PHF21A: variants seen among roughly 807,000 people sequenced by gnomAD.
PHF21A encodes BHC80a.
In PHF21A, 11 loss-of-function variants were observed where a neutral mutation model predicts 82.5. The observed-to-expected ratio is 0.13, with a 90% CI of 0.08 to 0.22. The LOEUF (loss-of-function observed/expected upper bound fraction) is 0.22. Ranked by LOEUF, PHF21A falls within the 10% of genes least tolerant of loss-of-function variation. PHF21A has a pLI of 1.00. For synonymous variants in PHF21A, 297 were observed against 302.8 expected, an observed-to-expected ratio of 0.98 and a Z score of 0.20; for missense variants, 579 against 837.8, an observed-to-expected ratio of 0.69 and a Z score of 3.81.
At chr11:46,106,449 G>A (rs1373304417) in intron 1 of PHF21A, among the ~76,000 whole-genome samples, 3 of 152,070 alleles carry the variant, frequency 2.0e-5, no homozygotes, top group Non-Finnish European at 2.9e-5. Context: ...ATAAGTTAAC[G>A]GCATCTGTTC....
chr11:46,101,890 C>T (rs1266201868), intron 1 of PHF21A, among the ~76,000 whole-genome samples: 4 of 150,080 alleles, frequency 2.7e-5, no homozygotes, highest in African/African-American at 9.8e-5. Flanking sequence ...TACGGAGTCT[C>T]GCTCTGTCGC....
intron 6 of PHF21A, among the ~76,000 whole-genome samples, chr11:46,067,099 T>C (rs1215884725): frequency 2.0e-5 from 3 of 152,234 alleles, no homozygotes; most frequent in Non-Finnish European, 2.9e-5. Context: ...TACTTACTTA[T>C]GTATTACTTA....
rs2088812569 is a variant in PHF21A at position 45,935,739 on chromosome 11, GCT to G, written c.1685-2_1685-1del. The G allele has an allele frequency of 2.2e-6, 1 of 459,564 alleles. No homozygotes were observed. The highest frequency in any genetic ancestry group is 3.1e-6 in the Non-Finnish European group (1 of 320,158). The allele number at this position is 459,564 out of a possible 1,614,324, so 28.5% of individuals were successfully genotyped here. On this transcript the variant is annotated splice_acceptor_variant, in intron 17 of 18. Transcript: ENST00000676320. LOFTEE classifies it high-confidence loss of function. The stretch of plus-strand genomic sequence containing the variant: ...TAACTTCTGTTTCTCTTCTTCTTTT[GCT>G]AAAAAAAAAAAAAAAAAAAAAAAGG...
intron 18 of PHF21A, chr11:45,934,811 C>G (rs1304599275): frequency 2.8e-6 from 1 of 352,048 alleles, no homozygotes; most frequent in Non-Finnish European, 5.6e-6. Context: ...GTCTTTTGCC[C>G]TTTTGCCCTC....
chr11:45,999,556 A>G (rs2095044515), intron 6 of PHF21A, among the ~76,000 whole-genome samples: 1 of 152,228 alleles, frequency 6.6e-6, no homozygotes, highest in Non-Finnish European at 1.5e-5. Context: ...ATGCAAGCTT[A>G]TTTTGAGAAG....
chr11:45,993,894 T>C (rs533464663), intron 6 of PHF21A, among the ~76,000 whole-genome samples: 1 of 152,064 alleles, frequency 6.6e-6, no homozygotes, highest in African/African-American at 2.4e-5. Flanking sequence ...CTATCTGAGA[T>C]GAATTTCCTA....
Position 46,107,738 on chromosome 11 carries a change from T to TA in PHF21A, c.-237+13196dup, listed in dbSNP as rs566539044. Among the ~76,000 whole-genome samples the TA allele has an allele frequency of 3.1e-3, 472 of 152,332 alleles. 2 individuals carry two copies. Among genetic ancestry groups the TA allele is most frequent in the African/African-American group, 0.011 (446 of 41,574 alleles). On this transcript the variant is annotated intron_variant, in intron 1 of 18. Transcript: ENST00000676320. ...ATCACTAATAATCTCAGCAACAAGTTAAAACTCTCAAAGCTGGAATCAAGA... is the reference window on the plus strand; with the variant it reads ...ATCACTAATAATCTCAGCAACAAGTTAAAAACTCTCAAAGCTGGAATCAAGA...
chr11:45,933,962 G>T lies in PHF21A; in HGVS notation c.*6C>A, dbSNP rs751330355. The T allele has an allele frequency of 1.3e-6, 2 of 1,533,360 alleles. No homozygotes were observed. Among genetic ancestry groups the T allele is most frequent in the South Asian group, 2.6e-5 (2 of 77,982 alleles). The allele number at this position is 1,533,360 out of a possible 1,614,324, so 95.0% of individuals were successfully genotyped here. A position where few individuals can be genotyped will look rare whatever the true frequency, so the allele number is the denominator to read the frequency against. On this transcript the variant is annotated 3_prime_UTR_variant, in exon 19 of 19. Coordinates refer to ENST00000676320, the MANE Select transcript of PHF21A (RefSeq NM_001352027.3). The stretch of plus-strand genomic sequence containing the variant: ...GGATCCCGTGGCTTCTCCTAGAGGG[G>T]CTCTGTTATTTAGTCTCTTCCCCCT...
intron 1 of PHF21A, among the ~76,000 whole-genome samples, chr11:46,099,518 A>T (rs916183851): frequency 7.4e-6 from 1 of 135,156 alleles, no homozygotes; most frequent in Admixed American, 8.1e-5. Flanking sequence ...GCTATAGAAA[A>T]ATTAGACACA....
chr11:46,074,458 C>CGGG (rs35144908), intron 6 of PHF21A, among the ~76,000 whole-genome samples: 2 of 127,044 alleles, frequency 1.6e-5, no homozygotes, highest in Non-Finnish European at 1.8e-5. Flanking sequence ...GCTCTTTTGG[C>CGGG]GGGAGGGGGG....
At chr11:45,944,212 C>T (rs2090916752) in intron 15 of PHF21A, among the ~76,000 whole-genome samples, 1 of 152,026 alleles carries the variant, frequency 6.6e-6, no homozygotes, top group Non-Finnish European at 1.5e-5. Context: ...ATGCATTGTA[C>T]CTACATAAGA....
chr11:46,022,049 C>T (rs1052444120), intron 6 of PHF21A, among the ~76,000 whole-genome samples: 1 of 152,132 alleles, frequency 6.6e-6, no homozygotes, highest in Non-Finnish European at 1.5e-5. Flanking sequence ...GACACAAATG[C>T]TGTAAGGAGA....
intron 1 of PHF21A, among the ~76,000 whole-genome samples, chr11:46,109,271 A>C (rs1203535818): frequency 6.6e-6 from 1 of 152,172 alleles, no homozygotes; most frequent in Non-Finnish European, 1.5e-5. Context: ...AATAATAGTA[A>C]ATCCTCAGAA....
chr11:46,081,640 C>A (rs1434491143), intron 4 of PHF21A, among the ~76,000 whole-genome samples: 1 of 152,168 alleles, frequency 6.6e-6, no homozygotes, highest in Non-Finnish European at 1.5e-5. Flanking sequence ...CCATCCAAAT[C>A]CCTAGTAACT....
At chr11:46,095,040 G>A (rs1249341729) in intron 1 of PHF21A, among the ~76,000 whole-genome samples, 1 of 152,106 alleles carries the variant, frequency 6.6e-6, no homozygotes, top group Non-Finnish European at 1.5e-5. Flanking sequence ...GAGGGTCCAC[G>A]GCTTTAATTG....
chr11:46,014,797 G>A (rs1039213497), intron 6 of PHF21A, among the ~76,000 whole-genome samples: 6 of 74,344 alleles, frequency 8.1e-5, no homozygotes, highest in Non-Finnish European at 1.4e-4. Flanking sequence ...CGGCTAAAAC[G>A]GTGAAACCCC....
At chr11:46,036,836 T>C (rs913421108) in intron 6 of PHF21A, among the ~76,000 whole-genome samples, 2 of 152,230 alleles carry the variant, frequency 1.3e-5, no homozygotes, top group Non-Finnish European at 2.9e-5. Flanking sequence ...CAAATAATGA[T>C]GATATACATC....
Position 45,945,853 on chromosome 11 carries a change from G to A in PHF21A, c.1439C>T (p.Pro480Leu). The A allele has an allele frequency of 6.3e-7, 1 of 1,582,618 alleles. No homozygotes were observed. The highest frequency in any genetic ancestry group is 2.0e-5 in the Admixed American group (1 of 51,234). ...CAAGTTACTTACGTCTGTGGAGGTG[G>A]GGCTGGGCAGGGACACAGGCTGAAC... The part of the protein sequence containing the change: ...APVQPVSLPS[P>L]TSTDGDIHED... The change falls in exon 15 of 19, where the codon CCC (proline) becomes CTC (leucine). Residue 480 changes from proline to leucine, a missense_variant. Physicochemically the swap from Pro to Leu is moderately conservative, Grantham distance 98 (BLOSUM62 -3). Around this residue, in one of 3 missense-constraint regions of PHF21A, gnomAD observed 410 missense variants for 642.1 expected, o/e 0.64. Transcript: ENST00000676320.
chr11:46,098,570 T>C (rs575631197), intron 1 of PHF21A, among the ~76,000 whole-genome samples: 5 of 152,344 alleles, frequency 3.3e-5, no homozygotes, highest in Admixed American at 3.3e-4. Context: ...CAAGCTTCCA[T>C]AGCTCTCACG....
Sources: allele counts gnomAD v4.1 joint callset (sites outside exome capture counted in the v4.1 genomes callset), GRCh38; gene constraint gnomAD v4.1.1; regional missense constraint gnomAD v4.1.1; transcripts MANE v1.5; gene names NCBI Gene and HGNC (gene_info 2026-07-23, HGNC 2026-07-21).